Variants in DCC observed in about 807,000 individuals in gnomAD.
DCC encodes netrin receptor DCC.
A neutral mutation model predicts 172.5 loss-of-function variants in DCC; 58 were observed. The ratio of observed to expected loss-of-function variants is 0.34; its 90% CI spans 0.27 to 0.42. The LOEUF (loss-of-function observed/expected upper bound fraction) is 0.42. Ranked by LOEUF, DCC falls within the 10% of genes least tolerant of loss-of-function variation. The pLI is 1.00. For missense variants in DCC, 1,740 were observed against 1,791.0 expected (o/e 0.97, Z 0.51); for synonymous variants, 709 against 644.5 (o/e 1.10, Z -1.52).
intron 1 of DCC, among the ~76,000 whole-genome samples, chr18:52,462,999 C>G (rs1306951531): frequency 6.6e-6 from 1 of 152,168 alleles, no homozygotes; most frequent in Non-Finnish European, 1.5e-5. Flanking sequence ...CTCAGGAAAC[C>G]CAGGCCTGTC....
intron 9 of DCC, among the ~76,000 whole-genome samples, chr18:53,203,618 C>A (rs1417337893): frequency 6.6e-6 from 1 of 152,102 alleles, no homozygotes; most frequent in Non-Finnish European, 1.5e-5. Context: ...TGCAGAGTTA[C>A]GCTGTTAGGT....
At chr18:52,524,295 G>T (rs1340240722) in intron 1 of DCC, among the ~76,000 whole-genome samples, 2 of 152,142 alleles carry the variant, frequency 1.3e-5, no homozygotes, top group African/African-American at 4.8e-5. Flanking sequence ...ACATTGGTTT[G>T]TAAATAAACC....
intron 1 of DCC, among the ~76,000 whole-genome samples, chr18:52,353,408 A>T (rs1443569): frequency 0.86 from 130,929 of 152,160 alleles, 56,490 homozygotes; most frequent in African/African-American, 0.91. Flanking sequence ...AAAGGGACAC[A>T]GAGGCCCTGG....
At chr18:53,102,220 AG>A (rs2144221786) in intron 7 of DCC, among the ~76,000 whole-genome samples, 1 of 152,280 alleles carries the variant, frequency 6.6e-6, no homozygotes, top group African/African-American at 2.4e-5. Context: ...ATAATTAGCC[AG>A]CATCCCTTTT....
intron 1 of DCC, among the ~76,000 whole-genome samples, chr18:52,343,905 T>C (rs1598848942): frequency 6.6e-6 from 1 of 151,542 alleles, no homozygotes; most frequent in African/African-American, 2.4e-5. Context: ...CGGGGTAGGC[T>C]GGCAGTCCAC....
At chr18:52,907,454 G>T (rs1264063156) in intron 3 of DCC, among the ~76,000 whole-genome samples, 3 of 151,388 alleles carry the variant, frequency 2.0e-5, no homozygotes, top group African/African-American at 7.3e-5. Flanking sequence ...GTCTTACTCT[G>T]TTGCCCAGGC....
chr18:53,194,353 TA>T (rs1302620834), intron 9 of DCC, among the ~76,000 whole-genome samples: 7 of 152,154 alleles, frequency 4.6e-5, no homozygotes, highest in Non-Finnish European at 1.0e-4. Flanking sequence ...ATGAGGAGGT[TA>T]AAAGGCTCCA....
rs187042503 is a variant in DCC, at chr18:53,068,296, G to T, written c.1261+2130G>T. ...TTATTATTATACTTTAAGTTTTAGG[G>T]TACATGTGCATAATGTGCCGGTTAG... is the stretch of plus-strand genomic sequence containing the variant. On this transcript the variant is annotated intron_variant, in intron 7 of 28. Transcript: ENST00000442544. Among the ~76,000 whole-genome samples the T allele has an allele frequency of 1.5e-4, 23 of 151,884 alleles. No individual in the cohort carries two copies. The East Asian group carries it at 4.3e-3, about 28-fold the overall frequency.
chr18:53,175,171 A>C (rs938259655), intron 8 of DCC, among the ~76,000 whole-genome samples: 23 of 152,136 alleles, frequency 1.5e-4, no homozygotes, highest in African/African-American at 5.6e-4. Flanking sequence ...TTGATGGGAC[A>C]TATTTCCAAA....
rs143482668 is a variant in DCC, at chr18:53,416,240, T to C, written c.3163+84T>C. 1.2e-4 allele frequency: 112 copies of C among 955,474 alleles called. No individual in the cohort carries two copies. In the African/African-American group the frequency reaches 1.6e-3, roughly 14 times the overall value. 59.2% of individuals were successfully genotyped at this position (955,474 alleles called of 1,614,324 possible). A position where few individuals can be genotyped will look rare whatever the true frequency, so the allele number is the denominator to read the frequency against. On this transcript the variant is annotated intron_variant, in intron 21 of 28. Transcript: ENST00000442544. ...GTCAGTCATTACTTTATATTCCTCT[T>C]TTCACCTGGACCATACACCTGATGA... is the stretch of plus-strand genomic sequence containing the variant.
rs149170399 is a variant in DCC at position 52,608,929 on chromosome 18, G to A, written c.92-143125G>A. Among the ~76,000 whole-genome samples the A allele has an allele frequency of 1.7e-3, 266 of 152,154 alleles. 3 individuals carry two copies. Among genetic ancestry groups the A allele is most frequent in the African/African-American group, 5.7e-3 (236 of 41,504 alleles). ...AAATTCTACCATCAGACAATTGTCC[G>A]TATTTTCTCAGGAAAATGAATTCCT... On this transcript the variant is annotated intron_variant, in intron 1 of 28. Coordinates refer to ENST00000442544, the MANE Select transcript of DCC (RefSeq NM_005215.4).
At chr18:53,379,120 G>A (rs974702470) in intron 15 of DCC, among the ~76,000 whole-genome samples, 6 of 152,214 alleles carry the variant, frequency 3.9e-5, no homozygotes, top group Non-Finnish European at 5.9e-5. Flanking sequence ...AACATTTACC[G>A]TCTGACAGCA....
chr18:53,489,718 T>C (rs1427458820), intron 26 of DCC, among the ~76,000 whole-genome samples: 1 of 152,190 alleles, frequency 6.6e-6, no homozygotes, highest in African/African-American at 2.4e-5. Context: ...CAAATAAAGC[T>C]GAATTTCTCT....
At chr18:52,869,082 C>T (rs768558899) in intron 2 of DCC, among the ~76,000 whole-genome samples, 2 of 152,236 alleles carry the variant, frequency 1.3e-5, no homozygotes, top group Non-Finnish European at 2.9e-5. Context: ...AGGGTCACAG[C>T]TCTTCTCTAC....
intron 2 of DCC, among the ~76,000 whole-genome samples, chr18:52,753,296 T>C (rs2037028433): frequency 6.6e-6 from 1 of 152,304 alleles, no homozygotes; most frequent in East Asian, 1.9e-4. Context: ...GTTTATTCTG[T>C]CATGGATTTG....
chr18:52,710,126 T>C (rs1356888071), intron 1 of DCC, among the ~76,000 whole-genome samples: 2 of 152,228 alleles, frequency 1.3e-5, no homozygotes, highest in Non-Finnish European at 2.9e-5. Flanking sequence ...TGTGTAAGGA[T>C]ATATTTACAA....
chr18:53,116,696 C>T (rs1317718289), intron 7 of DCC, among the ~76,000 whole-genome samples: 1 of 151,576 alleles, frequency 6.6e-6, no homozygotes, highest in Non-Finnish European at 1.5e-5. Flanking sequence ...GCTTTAAATC[C>T]AGTTCAATAT....
At chr18:52,922,553 C>A (rs1439630335) in intron 3 of DCC, among the ~76,000 whole-genome samples, 1 of 152,122 alleles carries the variant, frequency 6.6e-6, no homozygotes, top group Admixed American at 6.6e-5. Context: ...TTTGAGTCTG[C>A]AAAATGACAG....
At chr18:53,458,841 T>G (rs1386887537) in intron 23 of DCC, among the ~76,000 whole-genome samples, 1 of 152,206 alleles carries the variant, frequency 6.6e-6, no homozygotes, top group African/African-American at 2.4e-5. Context: ...TTATTTCTAT[T>G]TGCCCTTTCA....
Sources: gnomAD v4.1 joint callset for allele counts (sites outside exome capture counted in the v4.1 genomes callset) on GRCh38, gnomAD v4.1.1 for gene constraint, MANE v1.5 for transcripts, NCBI Gene and HGNC (gene_info 2026-07-23, HGNC 2026-07-21) for gene names.